ATXN7L3B: variants seen among roughly 807,000 people sequenced by gnomAD.
ATXN7L3B encodes ataxin 7 like 3B.
ATXN7L3B carries 4 observed loss-of-function variants against 6.3 expected under a neutral mutation model. That is an observed-to-expected ratio of 0.63 (90% CI 0.31 to 1.45). ATXN7L3B has a LOEUF of 1.45. ATXN7L3B is among the 40% of genes most tolerant of loss of function. ATXN7L3B has a pLI of 0.07. For missense variants in ATXN7L3B, 120 were observed against 118.5 expected, an observed-to-expected ratio of 1.01 and a Z score of -0.06; for synonymous variants, 63 against 48.0, an observed-to-expected ratio of 1.31 and a Z score of -1.29.
rs1175254522 is a variant in ATXN7L3B, at chr12:74,538,136, C to G, written c.24C>G (p.Asn8Lys). The G allele has an allele frequency of 6.4e-7, 1 of 1,564,972 alleles. No homozygotes were observed. The highest frequency in any genetic ancestry group is 1.9e-5 in the Admixed American group (1 of 52,212). MEEISLA[N>K]LDTNKLEAIA... ...AAATGGAGGAAATTTCGTTGGCCAA[C>G]CTGGATACTAACAAGCTAGAGGCCA... Residue 8 changes from asparagine to lysine, a missense_variant, in exon 1 of 1, where the codon AAC (asparagine) becomes AAG (lysine). Transcript: ENST00000519948.
In ATXN7L3B at chr12:74,545,187, C is replaced by T. The variant is rs543276130; in HGVS notation, c.*6781C>T. ...GTTGAAGACAAAAGTAACCAATATC[C>T]CAATATTTCCACCTGTTGCAGCATT... is the stretch of plus-strand genomic sequence containing the variant. On this transcript the variant is annotated 3_prime_UTR_variant, in exon 1 of 1. Coordinates refer to ENST00000519948, the MANE Select transcript of ATXN7L3B (RefSeq NM_001136262.2). 6.6e-6 allele frequency: 1 copy of T among 152,016 alleles called. No homozygotes were observed. Among genetic ancestry groups the T allele is most frequent in the Admixed American group, 6.5e-5 (1 of 15,268 alleles). The allele number at this position is 152,016 out of a possible 1,614,324, so 9.4% of individuals were successfully genotyped here.
In ATXN7L3B at chr12:74,542,821, T is replaced by G. The variant is rs1868930823; in HGVS notation, c.*4415T>G. ...GTTGTGAAGTTTTTCTTACAATTTT[T>G]TAAAAGAGATTTATGAAGAAACTAT... is the stretch of plus-strand genomic sequence containing the variant. On this transcript the variant is annotated 3_prime_UTR_variant, in exon 1 of 1. Transcript: ENST00000519948. 2 of 152,176 alleles carry G rather than the reference T, an allele frequency of 1.3e-5. No homozygotes were observed. Among genetic ancestry groups the G allele is most frequent in the Middle Eastern group, 3.2e-3 (1 of 316 alleles). 9.4% of individuals were successfully genotyped at this position (152,176 alleles called of 1,614,324 possible).
rs992560180 is a variant in ATXN7L3B, at chr12:74,538,017, T to C, written c.-96T>C. 8.0e-7 allele frequency: 1 copy of C among 1,250,328 alleles called. No homozygotes were observed. The highest frequency in any genetic ancestry group is 1.1e-6 in the Non-Finnish European group (1 of 907,980). The allele number at this position is 1,250,328 out of a possible 1,614,324, so 77.5% of individuals were successfully genotyped here. A position where few individuals can be genotyped will look rare whatever the true frequency, so the allele number is the denominator to read the frequency against. The stretch of plus-strand genomic sequence containing the variant: ...ACCCCGCCGCCGGAGGACTGGGCAC[T>C]GAAAGGCCTCTAGGCCTAGGCGCGG... On this transcript the variant is annotated 5_prime_UTR_variant, in exon 1 of 1. Coordinates refer to ENST00000519948, the MANE Select transcript of ATXN7L3B (RefSeq NM_001136262.2).
rs558042408 is a variant in ATXN7L3B at position 74,543,893 on chromosome 12, T to G, written c.*5487T>G. ...AAATCTACACCAGTTACTATACTTA[T>G]TAATGAATACTTGGAAGCACTCCCT... On this transcript the variant is annotated 3_prime_UTR_variant, in exon 1 of 1. Transcript: ENST00000519948. 3 of 152,234 alleles carry G rather than the reference T, an allele frequency of 2.0e-5. No homozygotes were observed. Among genetic ancestry groups the G allele is most frequent in the African/African-American group, 7.2e-5 (3 of 41,588 alleles). The allele number at this position is 152,234 out of a possible 1,614,324, so 9.4% of individuals were successfully genotyped here.
Position 74,538,505 on chromosome 12 carries a change from A to G in ATXN7L3B, c.*99A>G, listed in dbSNP as rs1836681837. 8.8e-7 allele frequency: 1 copy of G among 1,133,244 alleles called. No homozygotes were observed. The highest frequency in any genetic ancestry group is 1.6e-5 in the African/African-American group (1 of 63,668). 70.2% of individuals were successfully genotyped at this position (1,133,244 alleles called of 1,614,324 possible). A position where few individuals can be genotyped will look rare whatever the true frequency, so the allele number is the denominator to read the frequency against. On this transcript the variant is annotated 3_prime_UTR_variant, in exon 1 of 1. Coordinates refer to ENST00000519948, the MANE Select transcript of ATXN7L3B (RefSeq NM_001136262.2). ...GTAGAAAAAAGTAGAAAAATCAGAC[A>G]AAAGTTTTAATTCCCCCTTGAAGAT... is the stretch of plus-strand genomic sequence containing the variant.
chr12:74,537,854 TG>T lies in ATXN7L3B; in HGVS notation c.-258del. On this transcript the variant is annotated 5_prime_UTR_variant, in exon 1 of 1. Coordinates refer to ENST00000519948, the MANE Select transcript of ATXN7L3B (RefSeq NM_001136262.2). Reference sequence around the variant, plus strand: ...AGGCCCAGGAGGCTGGGTGAGGCGCTGAGACGGTTTGGCGGTGAGTCCTGGG... The same window carrying T: ...AGGCCCAGGAGGCTGGGTGAGGCGCTAGACGGTTTGGCGGTGAGTCCTGGG... 1 of 471,278 alleles carries T rather than the reference TG, an allele frequency of 2.1e-6. No individual in the cohort carries two copies. The highest frequency in any genetic ancestry group is 3.8e-6 in the Non-Finnish European group (1 of 261,628). 29.2% of individuals were successfully genotyped at this position (471,278 alleles called of 1,614,324 possible).
rs1438725033 is a variant in ATXN7L3B at position 74,544,029 on chromosome 12, A to G, written c.*5623A>G. The G allele has an allele frequency of 6.6e-6, 1 of 152,076 alleles. No individual in the cohort carries two copies. Among genetic ancestry groups the G allele is most frequent in the Non-Finnish European group, 1.5e-5 (1 of 67,888 alleles). The allele number at this position is 152,076 out of a possible 1,614,324, so 9.4% of individuals were successfully genotyped here. Reference sequence around the variant, plus strand: ...GTTCTCAGATGACATCTACATCTACATGGATAATTTTATAGAATCTACAAA... The same window carrying G: ...GTTCTCAGATGACATCTACATCTACGTGGATAATTTTATAGAATCTACAAA... On this transcript the variant is annotated 3_prime_UTR_variant, in exon 1 of 1. Transcript: ENST00000519948.
rs1462530630 is a variant in ATXN7L3B at position 74,545,111 on chromosome 12, T to C, written c.*6705T>C. The C allele has an allele frequency of 1.3e-5, 2 of 152,080 alleles. No individual in the cohort carries two copies. The highest frequency in any genetic ancestry group is 4.8e-5 in the African/African-American group (2 of 41,458). The allele number at this position is 152,080 out of a possible 1,614,324, so 9.4% of individuals were successfully genotyped here. On this transcript the variant is annotated 3_prime_UTR_variant, in exon 1 of 1. Transcript: ENST00000519948. Reference sequence around the variant, plus strand: ...TAAAACACTTAAACTGCTAGTAGGCTGTAAATTGGTAAAAAATGTTTTTAA... The same window carrying C: ...TAAAACACTTAAACTGCTAGTAGGCCGTAAATTGGTAAAAAATGTTTTTAA...
Position 74,538,049 on chromosome 12 carries a change from G to T in ATXN7L3B, c.-64G>T, listed in dbSNP as rs1868765571. On this transcript the variant is annotated 5_prime_UTR_variant, in exon 1 of 1. Transcript: ENST00000519948. Reference sequence around the variant, plus strand: ...CCTCTAGGCCTAGGCGCGGCCCGCGGAGCCAGACGTGTTGCTGCCGTGAGT... The same window carrying T: ...CCTCTAGGCCTAGGCGCGGCCCGCGTAGCCAGACGTGTTGCTGCCGTGAGT... 2.0e-6 allele frequency: 3 copies of T among 1,499,732 alleles called. No individual in the cohort carries two copies. Among genetic ancestry groups the T allele is most frequent in the Non-Finnish European group, 2.7e-6 (3 of 1,112,356 alleles). 92.9% of individuals were successfully genotyped at this position (1,499,732 alleles called of 1,614,324 possible).
At position 74,545,390 on chromosome 12, in the gene ATXN7L3B, T is replaced by C. The variant is rs1464174764; in HGVS notation, c.*6984T>C. Reference sequence around the variant, plus strand: ...AGGCAAATCAATGCTGTATGTTGTTTAAATAATTGTGAATATGAAATAAAA... The same window carrying C: ...AGGCAAATCAATGCTGTATGTTGTTCAAATAATTGTGAATATGAAATAAAA... On this transcript the variant is annotated 3_prime_UTR_variant, in exon 1 of 1. Transcript: ENST00000519948. The C allele has an allele frequency of 1.3e-5, 2 of 152,144 alleles. No homozygotes were observed. Among genetic ancestry groups the C allele is most frequent in the African/African-American group, 2.4e-5 (1 of 41,458 alleles). 9.4% of individuals were successfully genotyped at this position (152,144 alleles called of 1,614,324 possible).
chr12:74,538,958 G>A lies in ATXN7L3B; in HGVS notation c.*552G>A, dbSNP rs1313632298. ...GAAATCCAAGAAAAAGAATTATCAAGTTTGATAGGGAAGCTCTGTAGCCTT... is the reference window on the plus strand; with the variant it reads ...GAAATCCAAGAAAAAGAATTATCAAATTTGATAGGGAAGCTCTGTAGCCTT... On this transcript the variant is annotated 3_prime_UTR_variant, in exon 1 of 1. Coordinates refer to ENST00000519948, the MANE Select transcript of ATXN7L3B (RefSeq NM_001136262.2). 3 of 169,610 alleles carry A rather than the reference G, an allele frequency of 1.8e-5. No individual in the cohort carries two copies. The highest frequency in any genetic ancestry group is 2.9e-5 in the Non-Finnish European group (2 of 69,706). The allele number at this position is 169,610 out of a possible 1,614,324, so 10.5% of individuals were successfully genotyped here. A position where few individuals can be genotyped will look rare whatever the true frequency, so the allele number is the denominator to read the frequency against.
rs143775776 is a variant in ATXN7L3B, at chr12:74,540,881, GT to G, written c.*2481del. 1 of 166,974 alleles carries G rather than the reference GT, an allele frequency of 6.0e-6. No homozygotes were observed. Among genetic ancestry groups the G allele is most frequent in the Non-Finnish European group, 1.5e-5 (1 of 68,114 alleles). 10.3% of individuals were successfully genotyped at this position (166,974 alleles called of 1,614,324 possible). A position where few individuals can be genotyped will look rare whatever the true frequency, so the allele number is the denominator to read the frequency against. On this transcript the variant is annotated 3_prime_UTR_variant, in exon 1 of 1. Coordinates refer to ENST00000519948, the MANE Select transcript of ATXN7L3B (RefSeq NM_001136262.2). ...ATTTTGTTCATATTACCCCCCTTTTGTTTTTTGTTTCTGGCCCCTCTACCAA... is the reference window on the plus strand; with the variant it reads ...ATTTTGTTCATATTACCCCCCTTTTGTTTTTGTTTCTGGCCCCTCTACCAA...
rs1186277481 is a variant in ATXN7L3B, at chr12:74,538,642, A to G, written c.*236A>G. 1 of 548,554 alleles carries G rather than the reference A, an allele frequency of 1.8e-6. No homozygotes were observed. Among genetic ancestry groups the G allele is most frequent in the African/African-American group, 1.9e-5 (1 of 52,670 alleles). 34.0% of individuals were successfully genotyped at this position (548,554 alleles called of 1,614,324 possible). ...GGAGGAGCTGCACAGCCTGCGGGCC[A>G]TGCAGTGCCTGTTGATCTCTAAACA... is the stretch of plus-strand genomic sequence containing the variant. On this transcript the variant is annotated 3_prime_UTR_variant, in exon 1 of 1. Transcript: ENST00000519948.
In ATXN7L3B at chr12:74,542,164, T is replaced by C. The variant is rs1038519576; in HGVS notation, c.*3758T>C. 6.6e-6 allele frequency: 1 copy of C among 152,194 alleles called. No homozygotes were observed. The highest frequency in any genetic ancestry group is 1.9e-4 in the East Asian group (1 of 5,202). The allele number at this position is 152,194 out of a possible 1,614,324, so 9.4% of individuals were successfully genotyped here. A position where few individuals can be genotyped will look rare whatever the true frequency, so the allele number is the denominator to read the frequency against. On this transcript the variant is annotated 3_prime_UTR_variant, in exon 1 of 1. Coordinates refer to ENST00000519948, the MANE Select transcript of ATXN7L3B (RefSeq NM_001136262.2). ...TGTAACATGGTATTGAGTCTTCTCT[T>C]CTAGGAGCACTCGATGTACTTGTCA... is the stretch of plus-strand genomic sequence containing the variant.
At position 74,543,340 on chromosome 12, in the gene ATXN7L3B, T is replaced by A. The variant is rs1325073323; in HGVS notation, c.*4934T>A. 1 of 151,954 alleles carries A rather than the reference T, an allele frequency of 6.6e-6. No individual in the cohort carries two copies. Among genetic ancestry groups the A allele is most frequent in the Admixed American group, 6.6e-5 (1 of 15,254 alleles). The allele number at this position is 151,954 out of a possible 1,614,324, so 9.4% of individuals were successfully genotyped here. On this transcript the variant is annotated 3_prime_UTR_variant, in exon 1 of 1. Coordinates refer to ENST00000519948, the MANE Select transcript of ATXN7L3B (RefSeq NM_001136262.2). ...AGCGGTCTTTGTTGAAGCAATGGAG[T>A]AATAAATCAAACGACTAATTAAAAA... is the stretch of plus-strand genomic sequence containing the variant.
rs929894290 is a variant in ATXN7L3B at position 74,540,654 on chromosome 12, T to G, written c.*2248T>G. 1 of 167,042 alleles carries G rather than the reference T, an allele frequency of 6.0e-6. No homozygotes were observed. Among genetic ancestry groups the G allele is most frequent in the Non-Finnish European group, 1.5e-5 (1 of 68,114 alleles). The allele number at this position is 167,042 out of a possible 1,614,324, so 10.3% of individuals were successfully genotyped here. On this transcript the variant is annotated 3_prime_UTR_variant, in exon 1 of 1. Transcript: ENST00000519948. ...TTGCCCTTGACTTGTAGACGACATC[T>G]AAGAGGATGAAGAAAGGAGAGTCTA... is the stretch of plus-strand genomic sequence containing the variant.
chr12:74,544,718 A>G lies in ATXN7L3B; in HGVS notation c.*6312A>G, dbSNP rs957230664. On this transcript the variant is annotated 3_prime_UTR_variant, in exon 1 of 1. Transcript: ENST00000519948. The stretch of plus-strand genomic sequence containing the variant: ...GGAGGATGTGTTCATAATTGTGTAT[A>G]AGGGGAAAATTTCTTAAAAGTACAA... The G allele has an allele frequency of 6.6e-6, 1 of 152,044 alleles. No homozygotes were observed. The highest frequency in any genetic ancestry group is 1.5e-5 in the Non-Finnish European group (1 of 67,880). The allele number at this position is 152,044 out of a possible 1,614,324, so 9.4% of individuals were successfully genotyped here. A position where few individuals can be genotyped will look rare whatever the true frequency, so the allele number is the denominator to read the frequency against.
Position 74,540,476 on chromosome 12 carries a change from A to C in ATXN7L3B, c.*2070A>C, listed in dbSNP as rs1565676364. ...GATTACATACTTTAGAGGATTAAGG[A>C]AACCATAGAGTTTGGGCCTTGGAAC... On this transcript the variant is annotated 3_prime_UTR_variant, in exon 1 of 1. Transcript: ENST00000519948. 6.0e-6 allele frequency: 1 copy of C among 167,232 alleles called. No homozygotes were observed. Among genetic ancestry groups the C allele is most frequent in the Non-Finnish European group, 1.5e-5 (1 of 68,238 alleles). The allele number at this position is 167,232 out of a possible 1,614,324, so 10.4% of individuals were successfully genotyped here.
Position 74,544,915 on chromosome 12 carries a change from A to G in ATXN7L3B, c.*6509A>G, listed in dbSNP as rs190241696. On this transcript the variant is annotated 3_prime_UTR_variant, in exon 1 of 1. Transcript: ENST00000519948. ...GTACAATTGCCAAATGTATAAAGTAAAAGAACAGCTCATTCTTACAAAAAG... is the reference window on the plus strand; with the variant it reads ...GTACAATTGCCAAATGTATAAAGTAGAAGAACAGCTCATTCTTACAAAAAG... 7 of 152,182 alleles carry G rather than the reference A, an allele frequency of 4.6e-5. No homozygotes were observed. The highest frequency in any genetic ancestry group is 1.3e-4 in the Admixed American group (2 of 15,290). The allele number at this position is 152,182 out of a possible 1,614,324, so 9.4% of individuals were successfully genotyped here.
Sources: gnomAD v4.1 joint callset for allele counts on GRCh38, gnomAD v4.1.1 for gene constraint, MANE v1.5 for transcripts, NCBI Gene and HGNC (gene_info 2026-07-23, HGNC 2026-07-21) for gene names.